The following LCLAT1 variants were observed in gnomAD, a reference collection of about 807,000 sequenced individuals.
LCLAT1 encodes lysocardiolipin acyltransferase 1, also known as 1-AGP acyltransferase 8.
In LCLAT1, 11 loss-of-function variants were observed where a neutral mutation model predicts 30.7. The ratio of observed to expected loss-of-function variants is 0.36; its 90% CI spans 0.23 to 0.59. The LOEUF is 0.59. Ranked by LOEUF, LCLAT1 falls within the 20% of genes least tolerant of loss-of-function variation. The probability of loss-of-function intolerance (pLI) is 0.77; values close to 1 mark genes in which losing one functional copy is unlikely to be tolerated. For synonymous variants in LCLAT1, 155 were observed against 151.3 expected, an observed-to-expected ratio of 1.02 and a Z score of -0.18; for missense variants, 402 against 458.6, an observed-to-expected ratio of 0.88 and a Z score of 1.13.
chr2:30,578,787 G>C (rs1666096407), intron 5 of LCLAT1, among the ~76,000 whole-genome samples: 1 of 152,088 alleles, frequency 6.6e-6, no homozygotes, highest in Admixed American at 6.6e-5. Context: ...CTCATAATCT[G>C]TAATCCATAG....
chr2:30,558,970 A>G (rs1014454951), intron 3 of LCLAT1, among the ~76,000 whole-genome samples: 1 of 152,244 alleles, frequency 6.6e-6, no homozygotes, highest in South Asian at 2.1e-4. Context: ...AATAAACTGT[A>G]TATTGGTCTA....
intron 5 of LCLAT1, among the ~76,000 whole-genome samples, chr2:30,600,956 A>C (rs984237042): frequency 6.6e-6 from 1 of 151,888 alleles, no homozygotes; most frequent in African/African-American, 2.4e-5. Context: ...ATATAATCCC[A>C]TAGTTCTTGG....
At chr2:30,551,633 C>G (rs1414714061) in intron 3 of LCLAT1, among the ~76,000 whole-genome samples, 1 of 152,150 alleles carries the variant, frequency 6.6e-6, no homozygotes, top group Non-Finnish European at 1.5e-5. Flanking sequence ...GGGCTGAAAT[C>G]AAGGCATTGG....
At chr2:30,449,064 A>G (rs1681413139) in intron 1 of LCLAT1, among the ~76,000 whole-genome samples, 1 of 152,208 alleles carries the variant, frequency 6.6e-6, no homozygotes, top group Admixed American at 6.5e-5. Context: ...AGGCGGATAC[A>G]TTTATTATCT....
At chr2:30,626,090 A>G (rs911262877) in intron 5 of LCLAT1, among the ~76,000 whole-genome samples, 7 of 152,214 alleles carry the variant, frequency 4.6e-5, no homozygotes, top group African/African-American at 1.7e-4. Context: ...CACTCAATAA[A>G]TAGTAATAGC....
At chr2:30,466,742 A>G (rs1303621805) in intron 1 of LCLAT1, among the ~76,000 whole-genome samples, 1 of 152,182 alleles carries the variant, frequency 6.6e-6, no homozygotes, top group Non-Finnish European at 1.5e-5. Context: ...TGCATTTTTA[A>G]CAAGCTCCCC....
At chr2:30,477,955 C>G (rs1270688935) in intron 1 of LCLAT1, among the ~76,000 whole-genome samples, 1 of 150,934 alleles carries the variant, frequency 6.6e-6, no homozygotes, top group Non-Finnish European at 1.5e-5. Context: ...GAAAGTTTTT[C>G]TAGCAGTGAA....
Position 30,617,591 on chromosome 2 carries a change from T to C in LCLAT1, c.629-22526T>C, listed in dbSNP as rs373551314. Among the ~76,000 whole-genome samples the C allele has an allele frequency of 3.0e-3, 452 of 152,320 alleles. 2 individuals are homozygous for C. Among genetic ancestry groups the C allele is most frequent in the South Asian group, 4.8e-3 (23 of 4,828 alleles). On this transcript the variant is annotated intron_variant, in intron 5 of 5. Transcript: ENST00000379509. ...GGTTTTCCAGAGTGTGTAGACTGTT[T>C]TACATGTCCATTAGTATTATTTGAG...
chr2:30,531,090 C>T (rs1274460665), intron 2 of LCLAT1, among the ~76,000 whole-genome samples: 1 of 152,026 alleles, frequency 6.6e-6, no homozygotes, highest in Non-Finnish European at 1.5e-5. Flanking sequence ...GTGGTGAAAT[C>T]CTGTCTCTAC....
chr2:30,551,308 G>C (rs1344572512), intron 3 of LCLAT1, among the ~76,000 whole-genome samples: 6 of 152,182 alleles, frequency 3.9e-5, no homozygotes, highest in Non-Finnish European at 8.8e-5. Flanking sequence ...CGCCTAGCCT[G>C]GGAGTGCCTG....
intron 1 of LCLAT1, among the ~76,000 whole-genome samples, chr2:30,503,672 T>G (rs530587146): frequency 6.6e-6 from 1 of 152,310 alleles, no homozygotes; most frequent in East Asian, 1.9e-4. Flanking sequence ...AATGGTGATA[T>G]TTTTAAAAGT....
intron 5 of LCLAT1, among the ~76,000 whole-genome samples, chr2:30,575,820 T>A (rs1231372059): frequency 6.6e-6 from 1 of 152,132 alleles, no homozygotes; most frequent in Non-Finnish European, 1.5e-5. Flanking sequence ...TCTAATATGG[T>A]GTTAAACAGA....
chr2:30,522,902 GTCT>G (rs1330542316), intron 1 of LCLAT1, among the ~76,000 whole-genome samples: 1 of 152,184 alleles, frequency 6.6e-6, no homozygotes, highest in Admixed American at 6.5e-5. Flanking sequence ...ATTTAGGAAA[GTCT>G]TCTTAACTCT....
At chr2:30,498,394 A>C (rs1684217742) in intron 1 of LCLAT1, among the ~76,000 whole-genome samples, 1 of 152,232 alleles carries the variant, frequency 6.6e-6, no homozygotes, top group Non-Finnish European at 1.5e-5. Flanking sequence ...GCCCGTGGCT[A>C]CTTACAGAAA....
intron 5 of LCLAT1, among the ~76,000 whole-genome samples, chr2:30,595,439 T>C (rs1227569529): frequency 6.6e-6 from 1 of 152,138 alleles, no homozygotes; most frequent in Non-Finnish European, 1.5e-5. Flanking sequence ...CATATTCCTA[T>C]TCTGCTCAAC....
At chr2:30,578,611 G>A (rs537921467) in intron 5 of LCLAT1, among the ~76,000 whole-genome samples, 131 of 152,256 alleles carry the variant, frequency 8.6e-4, no homozygotes, top group Non-Finnish European at 1.6e-3. Flanking sequence ...CTCATTGGTA[G>A]CAGATCTACG....
chr2:30,519,708 C>A (rs1367400154), intron 1 of LCLAT1, among the ~76,000 whole-genome samples: 1 of 152,124 alleles, frequency 6.6e-6, no homozygotes, highest in Non-Finnish European at 1.5e-5. Flanking sequence ...CTGAGAGCAC[C>A]CGGGGAGGGA....
At chr2:30,620,933 C>T (rs1163298927) in intron 5 of LCLAT1, among the ~76,000 whole-genome samples, 1 of 152,174 alleles carries the variant, frequency 6.6e-6, no homozygotes, top group East Asian at 1.9e-4. Flanking sequence ...CTGCATAACT[C>T]CAACCTTTGC....
At chr2:30,452,256 A>G (rs913942108) in intron 1 of LCLAT1, among the ~76,000 whole-genome samples, 45 of 152,214 alleles carry the variant, frequency 3.0e-4, no homozygotes, top group South Asian at 2.3e-3. Context: ...CTCTAGTGAG[A>G]ATATGGCAAT....
Sources: allele counts gnomAD v4.1 joint callset (sites outside exome capture counted in the v4.1 genomes callset), GRCh38; gene constraint gnomAD v4.1.1; transcripts MANE v1.5; gene names NCBI Gene and HGNC (gene_info 2026-07-23, HGNC 2026-07-21).